The following ERGIC1 variants were observed in gnomAD, a reference collection of about 807,000 sequenced individuals.
ERGIC1 encodes endoplasmic reticulum-golgi intermediate compartment 1, also known as endoplasmic reticulum-Golgi intermediate compartment protein 1.
A neutral mutation model predicts 38.3 loss-of-function variants in ERGIC1; 19 were observed. The observed-to-expected ratio is 0.50, with a 90% CI of 0.35 to 0.73. The LOEUF is 0.73. ERGIC1 is among the 30% of genes least tolerant of loss of function. ERGIC1 has a pLI of 0.01. For synonymous variants in ERGIC1, 124 were observed against 157.6 expected, an observed-to-expected ratio of 0.79 and a Z score of 1.60; for missense variants, 294 against 389.2, an observed-to-expected ratio of 0.76 and a Z score of 2.06.
chr5:172,939,197 G>A (rs956934483), intron 9 of ERGIC1, among the ~76,000 whole-genome samples: 5 of 152,200 alleles, frequency 3.3e-5, no homozygotes, highest in Non-Finnish European at 5.9e-5. Flanking sequence ...TGAATCATAC[G>A]CAGTCCCTGC....
chr5:172,863,023 C>T (rs1293963783), intron 1 of ERGIC1, among the ~76,000 whole-genome samples: 1 of 152,192 alleles, frequency 6.6e-6, no homozygotes, highest in Non-Finnish European at 1.5e-5. Context: ...CCTCTGTCAC[C>T]CAGGCTGGAG....
chr5:172,898,749 G>C (rs918732771), intron 3 of ERGIC1, among the ~76,000 whole-genome samples: 11 of 152,158 alleles, frequency 7.2e-5, no homozygotes, highest in African/African-American at 2.7e-4. Context: ...CTCTGGGAGA[G>C]GTTGGTCTGC....
intron 5 of ERGIC1, chr5:172,918,105 C>A (rs908818580): frequency 2.0e-5 from 3 of 152,212 alleles, no homozygotes; most frequent in African/African-American, 7.2e-5. Context: ...CTTCAGTGAG[C>A]TGAGATCGCA....
At chr5:172,911,183 G>A (rs1763199075) in intron 4 of ERGIC1, among the ~76,000 whole-genome samples, 1 of 152,308 alleles carries the variant, frequency 6.6e-6, no homozygotes, top group African/African-American at 2.4e-5. Flanking sequence ...CCAGAGATAG[G>A]AAGAGTCTCA....
intron 3 of ERGIC1, chr5:172,897,699 C>T (rs1039588194): frequency 1.1e-4 from 46 of 411,668 alleles, no homozygotes; most frequent in Non-Finnish European, 1.8e-5. Flanking sequence ...TTTTTTCCCT[C>T]TGAATCATCA....
At chr5:172,933,306 G>A (rs548883352) in intron 8 of ERGIC1, 29 of 152,318 alleles carry the variant, frequency 1.9e-4, no homozygotes, top group African/African-American at 6.7e-4. Flanking sequence ...TATAACAACA[G>A]TAGGAGGCAT....
chr5:172,890,114 A>G (rs1762520064), intron 2 of ERGIC1, among the ~76,000 whole-genome samples: 1 of 152,224 alleles, frequency 6.6e-6, no homozygotes, highest in Non-Finnish European at 1.5e-5. Context: ...AAAGGTTGGC[A>G]TGACCAGTGA....
chr5:172,900,215 T>C (rs186818763), intron 3 of ERGIC1, among the ~76,000 whole-genome samples: 5 of 152,072 alleles, frequency 3.3e-5, no homozygotes, highest in East Asian at 1.9e-4. Context: ...CCCGGGAGCA[T>C]TGGGGAAGGG....
chr5:172,842,471 C>G (rs1761184006), intron 1 of ERGIC1, among the ~76,000 whole-genome samples: 1 of 152,158 alleles, frequency 6.6e-6, no homozygotes, highest in African/African-American at 2.4e-5. Context: ...AATAATGCTG[C>G]AGTGAGCATG....
intron 1 of ERGIC1, among the ~76,000 whole-genome samples, chr5:172,835,663 C>T (rs1181478547): frequency 1.3e-5 from 2 of 152,172 alleles, no homozygotes; most frequent in Non-Finnish European, 2.9e-5. Context: ...AGAGAAAGGC[C>T]CTTAGCCTGC....
In ERGIC1 at chr5:172,834,260, C is replaced by CAGCGGGAGGCGAGT. The variant is rs1760970826; in HGVS notation, c.-153_-140dup. On this transcript the variant is annotated 5_prime_UTR_variant, in exon 1 of 10. Transcript: ENST00000393784. This position sits in a 1 kb window ranked among gnomAD's most constrained non-coding sequence, Gnocchi z 4.1. ...GGCTGCGCGGAGCGTCACTTCCCGG[C>CAGCGGGAGGCGAGT]AGCGGGAGGCGAGTGGCGAGTGGCG... 4 of 730,538 alleles carry CAGCGGGAGGCGAGT rather than the reference C, an allele frequency of 5.5e-6. No individual in the cohort carries two copies. The highest frequency in any genetic ancestry group is 7.1e-6 in the Non-Finnish European group (4 of 565,630). The allele number at this position is 730,538 out of a possible 1,614,324, so 45.3% of individuals were successfully genotyped here.
intron 9 of ERGIC1, 170 bp downstream of exon 9, chr5:172,935,480 G>A (rs1763870285): frequency 3.8e-6 from 3 of 796,504 alleles, no homozygotes; most frequent in Non-Finnish European, 5.8e-6. Context: ...GCTGAGAAAT[G>A]TTGTCAGAAA....
intron 3 of ERGIC1, chr5:172,897,908 C>T (rs1315018560): frequency 4.8e-6 from 2 of 413,632 alleles, no homozygotes; most frequent in Admixed American, 4.4e-5. Context: ...TTCCTGATTC[C>T]TAGAATTATC....
chr5:172,938,375 C>A (rs765430048), intron 9 of ERGIC1, among the ~76,000 whole-genome samples: 1 of 152,234 alleles, frequency 6.6e-6, no homozygotes, highest in Non-Finnish European at 1.5e-5. Context: ...AGCCATGCCT[C>A]ACAGTAGGGT....
intron 1 of ERGIC1, among the ~76,000 whole-genome samples, chr5:172,859,450 C>G (rs1432177457): frequency 6.6e-5 from 10 of 152,002 alleles, no homozygotes; most frequent in Admixed American, 6.6e-4. Flanking sequence ...CTGGAATTAG[C>G]TTTCCCCCAT....
chr5:172,910,933 G>A (rs1386507345), intron 4 of ERGIC1, among the ~76,000 whole-genome samples: 1 of 152,128 alleles, frequency 6.6e-6, no homozygotes, highest in South Asian at 2.1e-4. Context: ...TGACCTCTCC[G>A]AGCCTCAGAT....
At chr5:172,907,818 G>T (rs944720909) in intron 3 of ERGIC1, among the ~76,000 whole-genome samples, 2 of 152,176 alleles carry the variant, frequency 1.3e-5, no homozygotes, top group African/African-American at 4.8e-5. Context: ...AGCGTTGGGG[G>T]TGGCAGCATA....
chr5:172,906,915 T>C (rs917142070), intron 3 of ERGIC1, among the ~76,000 whole-genome samples: 3 of 152,136 alleles, frequency 2.0e-5, no homozygotes, highest in Non-Finnish European at 4.4e-5. Context: ...ACACCTGGGC[T>C]CAGCACAGCT....
At chr5:172,877,771 G>A (rs1762183883) in intron 1 of ERGIC1, among the ~76,000 whole-genome samples, 1 of 152,106 alleles carries the variant, frequency 6.6e-6, no homozygotes, top group South Asian at 2.1e-4. Context: ...TATTACAGCT[G>A]GTGCTGTGGT....
Sources: gnomAD v4.1 joint callset for allele counts (sites outside exome capture counted in the v4.1 genomes callset) on GRCh38, gnomAD v4.1.1 for gene constraint, Gnocchi (gnomAD v3.1) non-coding constraint, MANE v1.5 for transcripts, NCBI Gene and HGNC (gene_info 2026-07-23, HGNC 2026-07-21) for gene names.